The following SLC44A5 variants were observed in gnomAD, a reference collection of about 807,000 sequenced individuals.
SLC44A5 encodes choline transporter-like protein 5.
In SLC44A5, 57 loss-of-function variants were observed where a neutral mutation model predicts 101.8. The ratio of observed to expected loss-of-function variants is 0.56; its 90% CI spans 0.45 to 0.70. The LOEUF is 0.70. Among genes scored for constraint, SLC44A5 ranks in the 30% least tolerant of loss-of-function variants. The pLI is 0.00. For synonymous variants in SLC44A5, 281 were observed against 290.9 expected, an observed-to-expected ratio of 0.97 and a Z score of 0.35; for missense variants, 737 against 853.1, an observed-to-expected ratio of 0.86 and a Z score of 1.70.
chr1:75,482,757 C>T (rs575773710), intron 2 of SLC44A5, among the ~76,000 whole-genome samples: 1 of 152,160 alleles, frequency 6.6e-6, no homozygotes, highest in East Asian at 1.9e-4. Context: ...AATAGCAAAG[C>T]CTCTGTCCTT....
In SLC44A5 at chr1:75,452,022, G is replaced by A. The variant is rs887351643; in HGVS notation, c.14-55401C>T. On this transcript the variant is annotated intron_variant, in intron 2 of 23. Coordinates refer to ENST00000370859, the MANE Select transcript of SLC44A5 (RefSeq NM_001130058.2). ...ATTTCCCTACTCTGCTAGAGAGGGAGGCATCCAGATACAAGAAATCCAGAG... is the reference window on the plus strand; with the variant it reads ...ATTTCCCTACTCTGCTAGAGAGGGAAGCATCCAGATACAAGAAATCCAGAG... Among the ~76,000 whole-genome samples the A allele has an allele frequency of 1.6e-4, 25 of 152,068 alleles. 1 individual carries two copies. Among genetic ancestry groups the A allele is most frequent in the Admixed American group, 1.6e-3 (25 of 15,248 alleles).
chr1:75,399,573 G>A (rs1662344170), intron 2 of SLC44A5, among the ~76,000 whole-genome samples: 1 of 152,006 alleles, frequency 6.6e-6, no homozygotes, highest in African/African-American at 2.4e-5. Context: ...TACAGTGTTG[G>A]GGGACAATTG....
chr1:75,678,554 G>C, the SLC44A5 span, among the ~76,000 whole-genome samples: 38,304 of 147,126 alleles, frequency 0.26, 6,216 homozygotes, highest in East Asian at 0.67. Flanking sequence ...TGACGGTCCT[G>C]TCTGTTAGAA....
chr1:75,519,423 C>T (rs1032763181), intron 2 of SLC44A5, among the ~76,000 whole-genome samples: 5 of 151,988 alleles, frequency 3.3e-5, no homozygotes, highest in East Asian at 1.9e-4. Flanking sequence ...CCGGGCATGG[C>T]GGCACATGCC....
At chr1:75,611,979 C>T (rs1305234334), upstream of SLC44A5, among the ~76,000 whole-genome samples, 1 of 152,036 alleles carries the variant, frequency 6.6e-6, no homozygotes, top group Non-Finnish European at 1.5e-5. Context: ...GACTTACTTG[C>T]ATTGAAAGGC....
chr1:75,324,670 T>C (rs1178298626), intron 4 of SLC44A5, among the ~76,000 whole-genome samples: 2 of 152,276 alleles, frequency 1.3e-5, no homozygotes, highest in East Asian at 1.9e-4. Context: ...AAGTTTATTG[T>C]GGCCACATCA....
At chr1:75,553,413 A>AATAT (rs1382865579) in intron 1 of SLC44A5, among the ~76,000 whole-genome samples, 2 of 152,330 alleles carry the variant, frequency 1.3e-5, no homozygotes, top group East Asian at 3.9e-4. Flanking sequence ...TTTGAGGTTT[A>AATAT]ATATATAACT....
chr1:75,363,249 C>A (rs1659623723), intron 3 of SLC44A5, among the ~76,000 whole-genome samples: 1 of 151,832 alleles, frequency 6.6e-6, no homozygotes, highest in Admixed American at 6.6e-5. Context: ...TTTTTTAACC[C>A]AACCAGTCAT....
At chr1:75,481,229 C>T (rs1416357211) in intron 2 of SLC44A5, among the ~76,000 whole-genome samples, 1 of 152,180 alleles carries the variant, frequency 6.6e-6, no homozygotes, top group African/African-American at 2.4e-5. Flanking sequence ...GGATCCCTTC[C>T]TTATGCCTTA....
At chr1:75,534,249 C>A (rs989782533) in intron 2 of SLC44A5, among the ~76,000 whole-genome samples, 2 of 151,830 alleles carry the variant, frequency 1.3e-5, no homozygotes, top group Non-Finnish European at 2.9e-5. Context: ...TTAAAGTCGT[C>A]GGAATCAAAA....
intron 2 of SLC44A5, among the ~76,000 whole-genome samples, chr1:75,516,257 G>A (rs1217945761): frequency 6.6e-6 from 1 of 152,146 alleles, no homozygotes; most frequent in Non-Finnish European, 1.5e-5. Context: ...GCTCACGCCT[G>A]TAATCCCAGC....
At chr1:75,438,558 C>T (rs1247960062) in intron 2 of SLC44A5, among the ~76,000 whole-genome samples, 2 of 152,028 alleles carry the variant, frequency 1.3e-5, no homozygotes, top group African/African-American at 4.8e-5. Flanking sequence ...ATGTGCAAGG[C>T]AAACAATTGC....
At chr1:75,520,358 G>A (rs553708781) in intron 2 of SLC44A5, among the ~76,000 whole-genome samples, 1 of 152,096 alleles carries the variant, frequency 6.6e-6, no homozygotes, top group Non-Finnish European at 1.5e-5. Context: ...GGATGGGCAG[G>A]CCAATCCCAA....
intron 2 of SLC44A5, among the ~76,000 whole-genome samples, chr1:75,503,737 T>G: frequency 6.6e-6 from 1 of 152,100 alleles, no homozygotes; most frequent in Non-Finnish European, 1.5e-5. Flanking sequence ...AATACTTAGG[T>G]TGCAATGAGA....
At chr1:75,514,570 T>C (rs1669728919) in intron 2 of SLC44A5, among the ~76,000 whole-genome samples, 1 of 152,250 alleles carries the variant, frequency 6.6e-6, no homozygotes, top group East Asian at 1.9e-4. Context: ...ATAAATTTTA[T>C]TTGGAACACA....
intron 3 of SLC44A5, among the ~76,000 whole-genome samples, chr1:75,392,270 G>A (rs1048174693): frequency 2.0e-5 from 3 of 152,002 alleles, no homozygotes; most frequent in African/African-American, 7.2e-5. Context: ...AGCAAACTAT[G>A]CACCCAACAA....
At chr1:75,203,932 CTTTTGTTGTTTTTT>C (rs984663576) in intron 23 of SLC44A5, 99 bp from the exon 24 acceptor site, 102 of 902,152 alleles carry the variant, frequency 1.1e-4, no homozygotes, top group Admixed American at 9.9e-4. Context: ...GTTCAAAATC[CTTTTGTTGTTTTTT>C]TTTTGTTGTT....
Position 75,564,603 on chromosome 1 carries a change from T to TTTTTTTTATTTATTTA in SLC44A5, c.-69-23088_-69-23087insTAAATAAATAAAAAAA, listed in dbSNP as rs369104614. The stretch of plus-strand genomic sequence containing the variant: ...TTTATTTATTTACTTTTTTTTTAAT[T>TTTTTTTTATTTATTTA]TTTATTTATTTATTTATTTATTTAT... On this transcript the variant is annotated intron_variant, in intron 1 of 23. Coordinates refer to ENST00000370859, the MANE Select transcript of SLC44A5 (RefSeq NM_001130058.2). 8.1e-3 allele frequency among the ~76,000 whole-genome samples: 1,118 copies of TTTTTTTTATTTATTTA among 138,064 alleles called. 19 individuals carry two copies. The highest frequency in any genetic ancestry group is 0.028 in the African/African-American group (1,048 of 37,086). 90.6% of individuals were successfully genotyped at this position (138,064 alleles called of 152,430 possible). A position where few individuals can be genotyped will look rare whatever the true frequency, so the allele number is the denominator to read the frequency against.
rs780304168 is a variant in SLC44A5 at position 75,214,638 on chromosome 1, T to C, written c.1769A>G (p.Asp590Gly). 6.2e-6 allele frequency: 10 copies of C among 1,611,972 alleles called. No individual in the cohort carries two copies. The highest frequency in any genetic ancestry group is 8.5e-6 in the Non-Finnish European group (10 of 1,178,902). Residue 590 changes from aspartate to glycine, a missense_variant, in exon 20 of 24, where the codon GAT becomes GGT. Around this residue, in one of 3 missense-constraint regions of SLC44A5, gnomAD observed 665 missense variants for 764.4 expected, o/e 0.87. Transcript: ENST00000370859. ...ATTTCTCATCAGCAGATTGAAAGCA[T>C]CTTTTGCTGACCTGCAGAAGTTTCT... is the stretch of plus-strand genomic sequence containing the variant. ...YGRNFCRSAKDAFNLLMRNVL... is the reference protein window; with the variant it reads ...YGRNFCRSAKGAFNLLMRNVL...
Sources: allele counts gnomAD v4.1 joint callset (sites outside exome capture counted in the v4.1 genomes callset), GRCh38; gene constraint gnomAD v4.1.1; regional missense constraint gnomAD v4.1.1; transcripts MANE v1.5; gene names NCBI Gene and HGNC (gene_info 2026-07-23, HGNC 2026-07-21).